Variants in POLR3B observed in about 807,000 individuals in gnomAD.
POLR3B encodes RNA polymerase III subunit B.
A neutral mutation model predicts 147.4 loss-of-function variants in POLR3B; 96 were observed. The ratio of observed to expected loss-of-function variants is 0.65; its 90% CI spans 0.55 to 0.77. POLR3B has a LOEUF of 0.77. POLR3B is among the 30% of genes least tolerant of loss of function. POLR3B has a pLI of 0.00. For synonymous variants in POLR3B, 461 were observed against 485.9 expected (o/e 0.95, Z 0.67); for missense variants, 1,036 against 1,413.5 (o/e 0.73, Z 4.28).
intron 6 of POLR3B, among the ~76,000 whole-genome samples, chr12:106,373,227 C>A (rs2036633978): frequency 6.6e-6 from 1 of 152,008 alleles, no homozygotes; most frequent in African/African-American, 2.4e-5. Context: ...TTCCATTTTC[C>A]TTATGGTTTT....
chr12:106,380,315 T>C (rs2036742529), intron 9 of POLR3B, among the ~76,000 whole-genome samples, 176 bp downstream of exon 9: 1 of 150,286 alleles, frequency 6.7e-6, no homozygotes, highest in Admixed American at 6.7e-5. Flanking sequence ...GGGTCATGCC[T>C]GAAATCCCAA....
At chr12:106,364,887 G>A (rs1344502998) in intron 2 of POLR3B, among the ~76,000 whole-genome samples, 1 of 152,222 alleles carries the variant, frequency 6.6e-6, no homozygotes, top group Non-Finnish European at 1.5e-5. Flanking sequence ...TGTAATCCCA[G>A]CACCTGGGGA....
intron 10 of POLR3B, among the ~76,000 whole-genome samples, chr12:106,393,729 G>A (rs914643139): frequency 2.0e-5 from 3 of 147,902 alleles, no homozygotes; most frequent in Admixed American, 6.8e-5. Flanking sequence ...TGGACCCTGG[G>A]AATTTTAGGG....
At chr12:106,373,587 CTA>C (rs2036638233) in intron 6 of POLR3B, among the ~76,000 whole-genome samples, 1 of 152,072 alleles carries the variant, frequency 6.6e-6, no homozygotes, top group African/African-American at 2.4e-5. Flanking sequence ...AACCTCACCT[CTA>C]CTAAAAATAC....
chr12:106,430,320 C>A lies in POLR3B; in HGVS notation c.1311C>A (p.Thr437=). 1 of 1,614,052 alleles carries A rather than the reference C, an allele frequency of 6.2e-7. No individual in the cohort carries two copies. The highest frequency in any genetic ancestry group is 1.1e-5 in the South Asian group (1 of 91,076). Residue 437 remains threonine, a synonymous_variant, in exon 14 of 28, where the codon ACC becomes ACA. Coordinates refer to ENST00000228347, the MANE Select transcript of POLR3B (RefSeq NM_018082.6). The stretch of plus-strand genomic sequence containing the variant: ...TTAAAATGGACCGCCAGGGTGTAAC[C>A]CAAGTGCTGTCTCGCTTGTCATATA... ...KRFKMDRQGV[T]QVLSRLSYIS...
chr12:106,398,327 C>A (rs576563442), intron 10 of POLR3B, among the ~76,000 whole-genome samples: 7 of 152,288 alleles, frequency 4.6e-5, no homozygotes, highest in Non-Finnish European at 7.4e-5. Flanking sequence ...GTAAACAAAG[C>A]GGCTGGGAAG....
chr12:106,486,341 A>AG, intron 23 of POLR3B, among the ~76,000 whole-genome samples: 1 of 137,776 alleles, frequency 7.3e-6, no homozygotes, highest in East Asian at 2.4e-4. Flanking sequence ...GGTTCAGGGG[A>AG]GGTGAGTAGC....
At chr12:106,462,230 C>G (rs2037948369) in intron 22 of POLR3B, among the ~76,000 whole-genome samples, 1 of 152,182 alleles carries the variant, frequency 6.6e-6, no homozygotes. Flanking sequence ...CACTCAGGGT[C>G]TCTCTGCATC....
intron 16 of POLR3B, among the ~76,000 whole-genome samples, chr12:106,434,891 C>T (rs1160015499): frequency 1.3e-5 from 2 of 152,144 alleles, no homozygotes; most frequent in Non-Finnish European, 2.9e-5. Context: ...TTCTCTTCAG[C>T]CAGGGGTTGG....
At chr12:106,467,560 G>T (rs747396463) in intron 23 of POLR3B, among the ~76,000 whole-genome samples, 1 of 152,100 alleles carries the variant, frequency 6.6e-6, no homozygotes, top group Non-Finnish European at 1.5e-5. Flanking sequence ...TCCAGTTTTT[G>T]CCCATTCAGT....
intron 2 of POLR3B, among the ~76,000 whole-genome samples, chr12:106,364,382 A>T (rs1565872452): frequency 6.6e-6 from 1 of 152,214 alleles, no homozygotes; most frequent in Non-Finnish European, 1.5e-5. Context: ...CCAAGAGCTT[A>T]TGCTAAGAAG....
chr12:106,404,406 A>T (rs1412460819), intron 10 of POLR3B, among the ~76,000 whole-genome samples: 1 of 152,112 alleles, frequency 6.6e-6, no homozygotes, highest in Admixed American at 6.6e-5. Context: ...TAGAAAGTTC[A>T]GGTTGCTTCA....
At position 106,504,451 on chromosome 12, in the gene POLR3B, C is replaced by T. The variant is rs1034121925; in HGVS notation, c.3272+197C>T. On this transcript the variant is annotated intron_variant, in intron 27 of 27. Transcript: ENST00000228347. The surrounding 1 kb of genome is among the most constrained non-coding windows in gnomAD (Gnocchi z 4.6). ...ATTTGTCTACATCATGATCTACTTC[C>T]TACACAACTAGAGGCTAAGCTCCCA... is the stretch of plus-strand genomic sequence containing the variant. 6.6e-6 allele frequency among the ~76,000 whole-genome samples: 1 copy of T among 152,142 alleles called. No individual in the cohort carries two copies. The highest frequency in any genetic ancestry group is 1.5e-5 in the Non-Finnish European group (1 of 68,006).
chr12:106,390,478 A>G (rs2036899876), intron 9 of POLR3B, among the ~76,000 whole-genome samples: 1 of 152,140 alleles, frequency 6.6e-6, no homozygotes, highest in South Asian at 2.1e-4. Context: ...TGAGCTAAGA[A>G]TAATCTAGTT....
chr12:106,501,234 G>T, intron 25 of POLR3B, 89 bp from the exon 26 acceptor site: 1 of 801,932 alleles, frequency 1.2e-6, no homozygotes, highest in Non-Finnish European at 2.3e-6. Flanking sequence ...TCATAAATGA[G>T]TAAGGACCTG....
intron 10 of POLR3B, among the ~76,000 whole-genome samples, chr12:106,404,870 T>A (rs1200154284): frequency 6.6e-6 from 1 of 152,230 alleles, no homozygotes; most frequent in Non-Finnish European, 1.5e-5. Context: ...TTATAGTTTT[T>A]ATGGTTAGGT....
At chr12:106,495,884 T>A in intron 23 of POLR3B, 171 bp from the exon 24 acceptor site, 49 of 705,372 alleles carry the variant, frequency 6.9e-5, no homozygotes, top group East Asian at 1.0e-4. Flanking sequence ...GTTTTTGAAC[T>A]GTTTGTCAAG....
chr12:106,387,005 T>C lies in POLR3B; in HGVS notation c.724-6026T>C, dbSNP rs532913013. ...CTTACATACACACAGCTGACTTAAA[T>C]CCTTTTTAGAATAGGGCTGTAAATT... On this transcript the variant is annotated intron_variant, in intron 9 of 27. Coordinates refer to ENST00000228347, the MANE Select transcript of POLR3B (RefSeq NM_018082.6). Among the ~76,000 whole-genome samples, 6 of 152,356 alleles carry C rather than the reference T, an allele frequency of 3.9e-5. No individual in the cohort carries two copies. In the South Asian group the frequency reaches 1.2e-3, roughly 32 times the overall value.
At chr12:106,376,974 A>T (rs938308987) in intron 7 of POLR3B, among the ~76,000 whole-genome samples, 2 of 152,144 alleles carry the variant, frequency 1.3e-5, no homozygotes, top group Non-Finnish European at 2.9e-5. Flanking sequence ...AATATGACAC[A>T]TTCTTGTTTA....
Sources: allele counts gnomAD v4.1 joint callset (sites outside exome capture counted in the v4.1 genomes callset), GRCh38; gene constraint gnomAD v4.1.1; non-coding constraint Gnocchi (gnomAD v3.1); transcripts MANE v1.5; gene names NCBI Gene and HGNC (gene_info 2026-07-23, HGNC 2026-07-21).